SARS1: variants seen among roughly 807,000 people sequenced by gnomAD.
SARS1 encodes seryl-tRNA synthetase 1, also known as serine--tRNA ligase, cytoplasmic.
A neutral mutation model predicts 63.7 loss-of-function variants in SARS1; 25 were observed. That is an observed-to-expected ratio of 0.39 (90% CI 0.29 to 0.55). SARS1 has a LOEUF of 0.55. Among genes scored for constraint, SARS1 ranks in the 20% least tolerant of loss-of-function variants. The pLI, the probability that SARS1 is intolerant of heterozygous loss-of-function variation, is 0.62. For synonymous variants in SARS1, 231 were observed against 243.5 expected, an observed-to-expected ratio of 0.95 and a Z score of 0.48; for missense variants, 417 against 649.7, an observed-to-expected ratio of 0.64 and a Z score of 3.89.
chr1:109,236,593 G>A (rs767818828), intron 9 of SARS1, 45 bp downstream of exon 9: 9 of 1,580,590 alleles, frequency 5.7e-6, no homozygotes, highest in Admixed American at 5.3e-5. Flanking sequence ...TTCAGTACAC[G>A]GCCCGTCCGA....
chr1:109,237,990 C>G lies in SARS1; in HGVS notation c.*102C>G, dbSNP rs11547492. The G allele has an allele frequency of 0.024, 31,497 of 1,312,078 alleles. 502 individuals are homozygous for G. Among genetic ancestry groups the G allele is most frequent in the Non-Finnish European group, 0.027 (25,628 of 942,026 alleles). 81.3% of individuals were successfully genotyped at this position (1,312,078 alleles called of 1,614,324 possible). A position where few individuals can be genotyped will look rare whatever the true frequency, so the allele number is the denominator to read the frequency against. ...CCAAGCACCCATTCATCCCCCTGCCCCCATCTGACTGCGTAGCTGAGAGGG... is the reference window on the plus strand; with the variant it reads ...CCAAGCACCCATTCATCCCCCTGCCGCCATCTGACTGCGTAGCTGAGAGGG... On this transcript the variant is annotated 3_prime_UTR_variant, in exon 11 of 11. Transcript: ENST00000234677. The surrounding 1 kb of genome is among the most constrained non-coding windows in gnomAD (Gnocchi z 4.1).
Position 109,228,345 on chromosome 1 carries a change from C to T in SARS1, c.208-7C>T, listed in dbSNP as rs1342499851. On this transcript the variant is annotated splice_region_variant and splice_polypyrimidine_tract_variant and intron_variant, in intron 2 of 10. Transcript: ENST00000234677. Reference sequence around the variant, plus strand: ...TTATTTGTGTTGGGTTTTTTTCCTTCCTGCAGAAAAAAGAGCCAGTGGGAG... The same window carrying T: ...TTATTTGTGTTGGGTTTTTTTCCTTTCTGCAGAAAAAAGAGCCAGTGGGAG... 3.1e-6 allele frequency: 5 copies of T among 1,604,694 alleles called. No individual in the cohort carries two copies. The highest frequency in any genetic ancestry group is 4.3e-6 in the Non-Finnish European group (5 of 1,175,828).
chr1:109,231,613 G>A lies in SARS1; in HGVS notation c.592-18G>A. The A allele has an allele frequency of 6.8e-7, 1 of 1,476,078 alleles. No homozygotes were observed. The highest frequency in any genetic ancestry group is 9.0e-7 in the Non-Finnish European group (1 of 1,114,352). 91.4% of individuals were successfully genotyped at this position (1,476,078 alleles called of 1,614,324 possible). On this transcript the variant is annotated intron_variant, in intron 5 of 10. Transcript: ENST00000234677. ...TGACAAGACCCAATCACATAGTACT[G>A]TGTCTCTGCTCCTCTAGGGGGTCCT...
At chr1:109,232,591 TTGTTTC>T (rs1245100255) in intron 6 of SARS1, among the ~76,000 whole-genome samples, 2 of 152,190 alleles carry the variant, frequency 1.3e-5, no homozygotes, top group Non-Finnish European at 2.9e-5. Flanking sequence ...GATCTTTCCA[TTGTTTC>T]TGTTGATGAG....
At chr1:109,224,078 A>G (rs781765752) in intron 2 of SARS1, 30 bp downstream of exon 2, 1 of 1,513,788 alleles carries the variant, frequency 6.6e-7, no homozygotes, top group South Asian at 1.1e-5. Context: ...AACAGCCATG[A>G]GAACTTGAGC....
Position 109,235,844 on chromosome 1 carries a change from C to G in SARS1, c.970-133C>G, listed in dbSNP as rs1655296183. ...AGCATTTGCTCTTGTGGTCCAGTCC[C>G]AGTTGCTGGGGGCCCAGACTTGCCT... On this transcript the variant is annotated intron_variant, in intron 7 of 10. Transcript: ENST00000234677. The surrounding 1 kb of genome is among the most constrained non-coding windows in gnomAD (Gnocchi z 4.7). The G allele has an allele frequency of 1.2e-6, 1 of 821,378 alleles. No individual in the cohort carries two copies. The highest frequency in any genetic ancestry group is 1.9e-6 in the Non-Finnish European group (1 of 516,996). The allele number at this position is 821,378 out of a possible 1,614,324, so 50.9% of individuals were successfully genotyped here. A position where few individuals can be genotyped will look rare whatever the true frequency, so the allele number is the denominator to read the frequency against.
At chr1:109,215,002 C>A (rs1251133623) in intron 1 of SARS1, 1 of 985,446 alleles carries the variant, frequency 1.0e-6, no homozygotes, top group Non-Finnish European at 1.2e-6. Flanking sequence ...TTGTCTGATG[C>A]AATAGGTCTG....
At position 109,236,119 on chromosome 1, in the gene SARS1, G is replaced by A. The variant is rs1414767654; in HGVS notation, c.1099+13G>A. On this transcript the variant is annotated intron_variant, in intron 8 of 10. Transcript: ENST00000234677. ...AATATTGTCTCAGGTATGGGACCCA[G>A]CCTCTTCTCAGCCTCCCTTTCCTGT... is the stretch of plus-strand genomic sequence containing the variant. The A allele has an allele frequency of 6.2e-7, 1 of 1,607,164 alleles. No individual in the cohort carries two copies. The highest frequency in any genetic ancestry group is 1.1e-5 in the South Asian group (1 of 89,942).
chr1:109,233,862 A>ATTTTTTTTTTT (rs1164453054), intron 6 of SARS1, among the ~76,000 whole-genome samples: 4 of 65,968 alleles, frequency 6.1e-5, no homozygotes, highest in Non-Finnish European at 8.2e-5. Flanking sequence ...CACCTGGCTA[A>ATTTTTTTTTTT]TTTTTTTTTT....
intron 1 of SARS1, among the ~76,000 whole-genome samples, chr1:109,221,970 G>GCA (rs1654938922): frequency 1.4e-3 from 38 of 28,064 alleles, no homozygotes; most frequent in East Asian, 6.2e-3. Flanking sequence ...TTGTGTGTGT[G>GCA]TATATATATA....
Position 109,214,677 on chromosome 1 carries a change from G to T in SARS1, c.136+549G>T. On this transcript the variant is annotated intron_variant, in intron 1 of 10. Transcript: ENST00000234677. The surrounding 1 kb of genome is among the most constrained non-coding windows in gnomAD (Gnocchi z 4.6). ...AAATGACCCTGAAGCTTTTCGGAAG[G>T]CCATCCCCCGACCTATGGGCATACC... 2 of 985,592 alleles carry T rather than the reference G, an allele frequency of 2.0e-6. No homozygotes were observed. Among genetic ancestry groups the T allele is most frequent in the Non-Finnish European group, 2.4e-6 (2 of 830,042 alleles). The allele number at this position is 985,592 out of a possible 1,614,324, so 61.1% of individuals were successfully genotyped here.
At position 109,214,921 on chromosome 1, in the gene SARS1, A is replaced by G. The variant is rs141792440; in HGVS notation, c.136+793A>G. 410 of 985,466 alleles carry G rather than the reference A, an allele frequency of 4.2e-4. 4 individuals carry two copies. The Admixed American group carries it at 0.016, about 39-fold the overall frequency. 61.0% of individuals were successfully genotyped at this position (985,466 alleles called of 1,614,324 possible). Reference sequence around the variant, plus strand: ...AATAAAACCATAGAACCATCTGCCCATAAATCTCTGCCTGTATTAACTGGA... The same window carrying G: ...AATAAAACCATAGAACCATCTGCCCGTAAATCTCTGCCTGTATTAACTGGA... On this transcript the variant is annotated intron_variant, in intron 1 of 10. Coordinates refer to ENST00000234677, the MANE Select transcript of SARS1 (RefSeq NM_006513.4). The surrounding 1 kb of genome is among the most constrained non-coding windows in gnomAD (Gnocchi z 4.6).
Position 109,237,194 on chromosome 1 carries a change from A to T in SARS1, c.1258-50A>T, listed in dbSNP as rs761109337. On this transcript the variant is annotated intron_variant, in intron 9 of 10. Coordinates refer to ENST00000234677, the MANE Select transcript of SARS1 (RefSeq NM_006513.4). The surrounding 1 kb of genome is among the most constrained non-coding windows in gnomAD (Gnocchi z 4.1). ...TGGATGGTTCCTGGCCGTCAGTAAG[A>T]CCCGATGAGAGTTGAGCCCGACTTC... 3.8e-6 allele frequency: 6 copies of T among 1,579,286 alleles called. No homozygotes were observed. In the South Asian group the frequency reaches 5.9e-5, roughly 15 times the overall value.
chr1:109,226,618 C>T (rs1445487274), intron 2 of SARS1, among the ~76,000 whole-genome samples: 1 of 141,168 alleles, frequency 7.1e-6, no homozygotes, highest in African/African-American at 2.6e-5. Flanking sequence ...CTCAGCCTCC[C>T]AAGTAGCTGA....
intron 1 of SARS1, 24 bp from the exon 2 acceptor site, chr1:109,223,954 T>C: frequency 6.4e-7 from 1 of 1,558,480 alleles, no homozygotes. Flanking sequence ...TTCTTTGGTA[T>C]AGTCTTGGAT....
rs777013006 is a variant in SARS1 at position 109,237,747 on chromosome 1, C to T, written c.1404C>T (p.Ile468=). The T allele has an allele frequency of 6.2e-7, 1 of 1,614,152 alleles. No homozygotes were observed. The highest frequency in any genetic ancestry group is 1.1e-5 in the South Asian group (1 of 91,076). The change falls in exon 11 of 11, where the codon ATC becomes ATT. Residue 468 remains isoleucine, a synonymous_variant. Coordinates refer to ENST00000234677, the MANE Select transcript of SARS1 (RefSeq NM_006513.4). The surrounding 1 kb of genome is among the most constrained non-coding windows in gnomAD (Gnocchi z 4.1). The stretch of plus-strand genomic sequence containing the variant: ...CCCTCCCAGGACTGCAAGAACTGAT[C>T]CCCTTTGTGAAGCCTGCGCCCATTG... ...EFMPPGLQEL[I]PFVKPAPIEQ... is the part of the protein sequence containing the mutation.
chr1:109,221,993 TATATATATATATA>T (rs1654944488), intron 1 of SARS1, among the ~76,000 whole-genome samples: 1 of 14,856 alleles, frequency 6.7e-5, no homozygotes, highest in Non-Finnish European at 1.4e-4. Context: ...TATATATATA[TATATATATATATA>T]TATATTTTTT....
At chr1:109,217,092 T>G (rs1654807729) in intron 1 of SARS1, 3 of 985,358 alleles carry the variant, frequency 3.0e-6, no homozygotes, top group African/African-American at 1.7e-5. Context: ...ACTTGAAGGC[T>G]TAAGTTTTGC....
chr1:109,226,459 C>CT (rs1427278270), intron 2 of SARS1, among the ~76,000 whole-genome samples: 1 of 149,622 alleles, frequency 6.7e-6, no homozygotes, highest in Non-Finnish European at 1.5e-5. Flanking sequence ...TCAAGCAGTC[C>CT]TCCCACCTCA....
Sources: gnomAD v4.1 joint callset for allele counts (sites outside exome capture counted in the v4.1 genomes callset) on GRCh38, gnomAD v4.1.1 for gene constraint, Gnocchi (gnomAD v3.1) non-coding constraint, MANE v1.5 for transcripts, NCBI Gene and HGNC (gene_info 2026-07-23, HGNC 2026-07-21) for gene names.